RAD18: variants seen among roughly 807,000 people sequenced by gnomAD.
RAD18 encodes the protein E3 ubiquitin-protein ligase RAD18.
In RAD18, 47 loss-of-function variants were observed where a neutral mutation model predicts 60.4. That is an observed-to-expected ratio of 0.78 (90% confidence interval 0.62 to 0.99). The LOEUF (loss-of-function observed/expected upper bound fraction) is 0.99. Ranked by LOEUF, RAD18 falls within the 50% of genes least tolerant of loss-of-function variation. RAD18 has a pLI of 0.00. For missense variants in RAD18, 640 were observed against 593.3 expected, an observed-to-expected ratio of 1.08 and a Z score of -0.82; for synonymous variants, 225 against 195.5, an observed-to-expected ratio of 1.15 and a Z score of -1.26.
intron 9 of RAD18, among the ~76,000 whole-genome samples, chr3:8,908,832 G>A (rs1940058464): frequency 6.6e-6 from 1 of 152,144 alleles, no homozygotes; most frequent in Admixed American, 6.5e-5. Flanking sequence ...CTCCAACAGA[G>A]TAGGCTTCTT....
chr3:8,933,759 A>G (rs1293461326), intron 7 of RAD18, among the ~76,000 whole-genome samples: 1 of 152,226 alleles, frequency 6.6e-6, no homozygotes, highest in Non-Finnish European at 1.5e-5. Context: ...GATATCAACT[A>G]TCTCAAAATT....
chr3:8,933,200 T>C (rs1376885906), intron 7 of RAD18, among the ~76,000 whole-genome samples: 1 of 152,158 alleles, frequency 6.6e-6, no homozygotes. Context: ...ACAGATACCA[T>C]ATGTAAAATG....
chr3:8,963,470 T>TACGTCAGCAGCCCGCGAC lies in RAD18; in HGVS notation c.-86_-85insGTCGCGGGCTGCTGACGT. The TACGTCAGCAGCCCGCGAC allele has an allele frequency of 7.6e-7, 1 of 1,323,534 alleles. No individual in the cohort carries two copies. The allele number at this position is 1,323,534 out of a possible 1,614,324, so 82.0% of individuals were successfully genotyped here. A position where few individuals can be genotyped will look rare whatever the true frequency, so the allele number is the denominator to read the frequency against. On this transcript the variant is annotated 5_prime_UTR_variant, in exon 1 of 13. Transcript: ENST00000264926. ...CTCGAAATTCCCCGCGCTACCGCAT[T>TACGTCAGCAGCCCGCGAC]ACGTCAGCAGCCCGCGACGCGCCAG...
At position 8,881,466 on chromosome 3, in the gene RAD18, A is replaced by G; in HGVS notation, c.1386-7T>C. ...TGTGTCTTGAAGATCGTTTCTGAAGACAGAAAAAGGAAATGACATCTTGGA... is the reference window on the plus strand; with the variant it reads ...TGTGTCTTGAAGATCGTTTCTGAAGGCAGAAAAAGGAAATGACATCTTGGA... On this transcript the variant is annotated splice_polypyrimidine_tract_variant and splice_region_variant and intron_variant, in intron 12 of 12. Transcript: ENST00000264926. 1 of 1,580,062 alleles carries G rather than the reference A, an allele frequency of 6.3e-7. No homozygotes were observed. Among genetic ancestry groups the G allele is most frequent in the South Asian group, 1.1e-5 (1 of 89,668 alleles).
chr3:8,893,909 C>G (rs1939741124), intron 11 of RAD18, among the ~76,000 whole-genome samples: 1 of 152,054 alleles, frequency 6.6e-6, no homozygotes, highest in Non-Finnish European at 1.5e-5. Flanking sequence ...AGGCTGGTTT[C>G]AAACTCCCAG....
In RAD18 at chr3:8,907,234, C is replaced by T. The variant is rs559001063; in HGVS notation, c.1028-4714G>A. ...TGCTTACCTCTCAAGGATCCCTGTC[C>T]TTTGTGGCCAGTATCTTGAAAATTG... On this transcript the variant is annotated intron_variant, in intron 9 of 12. Transcript: ENST00000264926. Among the ~76,000 whole-genome samples the T allele has an allele frequency of 5.3e-4, 80 of 152,348 alleles. 1 individual carries two copies. Among genetic ancestry groups the T allele is most frequent in the African/African-American group, 1.9e-3 (79 of 41,578 alleles).
rs1326331259 is a variant in RAD18, at chr3:8,879,812, G to A, written c.*1545C>T. On this transcript the variant is annotated 3_prime_UTR_variant, in exon 13 of 13. Coordinates refer to ENST00000264926, the MANE Select transcript of RAD18 (RefSeq NM_020165.4). Reference sequence around the variant, plus strand: ...CCAAATATTTGCTGAATGAACTCATGTGCCTACTTTCCCAATCTTGGGTCT... The same window carrying A: ...CCAAATATTTGCTGAATGAACTCATATGCCTACTTTCCCAATCTTGGGTCT... The A allele has an allele frequency of 6.6e-6, 1 of 152,220 alleles. No homozygotes were observed. Among genetic ancestry groups the A allele is most frequent in the Non-Finnish European group, 1.5e-5 (1 of 68,050 alleles). 9.4% of individuals were successfully genotyped at this position (152,220 alleles called of 1,614,324 possible).
intron 6 of RAD18, among the ~76,000 whole-genome samples, chr3:8,938,345 T>C (rs1395908154): frequency 6.6e-6 from 1 of 152,194 alleles, no homozygotes. Flanking sequence ...AGAATCTGCA[T>C]TCACTCCAAA....
chr3:8,921,192 T>A (rs889470113), intron 7 of RAD18, among the ~76,000 whole-genome samples: 1 of 152,062 alleles, frequency 6.6e-6, no homozygotes, highest in South Asian at 2.1e-4. Flanking sequence ...ATGCTAACAA[T>A]AGGTGGATCT....
intron 7 of RAD18, among the ~76,000 whole-genome samples, chr3:8,927,258 C>G (rs1200826505): frequency 6.6e-6 from 1 of 152,192 alleles, no homozygotes; most frequent in Admixed American, 6.5e-5. Flanking sequence ...AGGATACGAA[C>G]AGACACTTCT....
chr3:8,898,793 A>C (rs1206628134), intron 11 of RAD18, 101 bp downstream of exon 11: 2 of 1,034,368 alleles, frequency 1.9e-6, no homozygotes, highest in Non-Finnish European at 2.7e-6. Context: ...GTGACACACC[A>C]TGCCATGCCT....
chr3:8,944,406 C>A (rs1402410364), intron 4 of RAD18, among the ~76,000 whole-genome samples: 1 of 152,126 alleles, frequency 6.6e-6, no homozygotes, highest in African/African-American at 2.4e-5. Context: ...CATGGTGGCA[C>A]ATACCCATAG....
intron 7 of RAD18, among the ~76,000 whole-genome samples, chr3:8,925,846 T>G (rs1940423418): frequency 6.6e-6 from 1 of 152,134 alleles, no homozygotes; most frequent in African/African-American, 2.4e-5. Context: ...AAAAGGCATT[T>G]GACAAAATTC....
At chr3:8,918,007 T>C (rs187388738) in intron 7 of RAD18, among the ~76,000 whole-genome samples, 1 of 152,242 alleles carries the variant, frequency 6.6e-6, no homozygotes, top group East Asian at 1.9e-4. Flanking sequence ...GAACAATGAA[T>C]GTTATCAGGG....
chr3:8,955,774 G>A (rs1014736917), intron 2 of RAD18, among the ~76,000 whole-genome samples: 47 of 152,252 alleles, frequency 3.1e-4, no homozygotes, highest in Admixed American at 3.1e-3. Flanking sequence ...CAAGTCCAGG[G>A]AAGACACATC....
intron 1 of RAD18, among the ~76,000 whole-genome samples, chr3:8,961,125 G>T (rs1941089233): frequency 6.6e-6 from 1 of 152,168 alleles, no homozygotes; most frequent in South Asian, 2.1e-4. Flanking sequence ...GTGGAGGAAT[G>T]ATTCTGAAAG....
At chr3:8,886,624 T>C (rs1258743437) in intron 12 of RAD18, among the ~76,000 whole-genome samples, 4 of 152,190 alleles carry the variant, frequency 2.6e-5, no homozygotes, top group Non-Finnish European at 5.9e-5. Flanking sequence ...GTGCTAGGGA[T>C]TTAAAATCCA....
intron 4 of RAD18, among the ~76,000 whole-genome samples, chr3:8,945,550 C>A (rs1940826269): frequency 6.8e-6 from 1 of 146,722 alleles, no homozygotes; most frequent in Non-Finnish European, 1.5e-5. Flanking sequence ...CGGCTCACTG[C>A]AACCTCCAAC....
At chr3:8,945,632 C>T (rs1574824644) in intron 4 of RAD18, among the ~76,000 whole-genome samples, 1 of 151,718 alleles carries the variant, frequency 6.6e-6, no homozygotes, top group Non-Finnish European at 1.5e-5. Context: ...CCACCATGCC[C>T]AGCTAATTTT....
Sources: gnomAD v4.1 joint callset for allele counts (sites outside exome capture counted in the v4.1 genomes callset) on GRCh38, gnomAD v4.1.1 for gene constraint, MANE v1.5 for transcripts, NCBI Gene and HGNC (gene_info 2026-07-23, HGNC 2026-07-21) for gene names.